Variants in NEDD9 observed in about 807,000 individuals in gnomAD.
NEDD9 encodes the protein neural precursor cell expressed, developmentally down-regulated 9.
Under a neutral mutation model 76.6 loss-of-function variants are expected in NEDD9, and 26 were observed. The ratio of observed to expected loss-of-function variants is 0.34; its 90% CI spans 0.25 to 0.47. The LOEUF (loss-of-function observed/expected upper bound fraction) is 0.47. Ranked by LOEUF, NEDD9 falls within the 20% of genes least tolerant of loss-of-function variation. The probability of loss-of-function intolerance (pLI) is 1.00; values close to 1 mark genes in which losing one functional copy is unlikely to be tolerated. For missense variants in NEDD9, 937 were observed against 1,058.5 expected (o/e 0.89, Z 1.59); for synonymous variants, 392 against 414.2 (o/e 0.95, Z 0.65).
At chr6:11,295,131 G>A (rs1760861340) in intron 3 of NEDD9, among the ~76,000 whole-genome samples, 1 of 151,862 alleles carries the variant, frequency 6.6e-6, no homozygotes, top group Admixed American at 6.6e-5. Context: ...CCCAGTCTTG[G>A]GTAGGTCTTT....
intron 3 of NEDD9, among the ~76,000 whole-genome samples, chr6:11,280,719 TG>T (rs1760519843): frequency 6.6e-6 from 1 of 152,212 alleles, no homozygotes; most frequent in Non-Finnish European, 1.5e-5. Context: ...TGACTCCTGT[TG>T]GGGGCCCCAC....
At chr6:11,228,252 C>T (rs534500881) in intron 1 of NEDD9, among the ~76,000 whole-genome samples, 5 of 152,006 alleles carry the variant, frequency 3.3e-5, no homozygotes, top group Admixed American at 6.6e-5. Flanking sequence ...GCAAAAAGGC[C>T]GGGTGCGGTG....
At chr6:11,216,880 A>G (rs1758970071) in intron 1 of NEDD9, among the ~76,000 whole-genome samples, 1 of 152,218 alleles carries the variant, frequency 6.6e-6, no homozygotes, top group African/African-American at 2.4e-5. Flanking sequence ...TCAGGATTAC[A>G]TTTCAGAAGA....
Position 11,370,622 on chromosome 6 carries a change from T to A in NEDD9, c.-214+11517A>T, listed in dbSNP as rs1033351913. Among the ~76,000 whole-genome samples the A allele has an allele frequency of 1.3e-5, 2 of 152,196 alleles. No homozygotes were observed. The highest frequency in any genetic ancestry group is 2.9e-5 in the Non-Finnish European group (2 of 68,028). Reference sequence around the variant, plus strand: ...TACCAGCTTCACTTCTGAGCAGGCTTCCCTGCTTACAGAGAGCTTCTTTCC... The same window carrying A: ...TACCAGCTTCACTTCTGAGCAGGCTACCCTGCTTACAGAGAGCTTCTTTCC... On this transcript the variant is annotated intron_variant, in intron 1 of 3. Transcript: ENST00000397378. This position sits in a 1 kb window ranked among gnomAD's most constrained non-coding sequence, Gnocchi z 4.2.
intron 1 of NEDD9, among the ~76,000 whole-genome samples, chr6:11,343,159 G>A (rs1050882569): frequency 9.9e-5 from 15 of 152,112 alleles, no homozygotes; most frequent in Non-Finnish European, 1.8e-4. Flanking sequence ...GCCCAGTGCC[G>A]TGGCTCACGT....
intron 6 of NEDD9, 92 bp downstream of exon 6, chr6:11,188,126 C>A: frequency 2.0e-6 from 2 of 1,023,266 alleles, no homozygotes; most frequent in South Asian, 2.7e-5. Flanking sequence ...CTGGAAGAAT[C>A]AAAATCATAA....
intron 2 of NEDD9, among the ~76,000 whole-genome samples, chr6:11,310,866 T>C (rs1325400594): frequency 6.6e-6 from 1 of 152,142 alleles, no homozygotes; most frequent in Non-Finnish European, 1.5e-5. Flanking sequence ...CTTCCTCAAC[T>C]TCCCTCCTCC....
intron 1 of NEDD9, among the ~76,000 whole-genome samples, chr6:11,380,094 G>A (rs1763035477): frequency 6.6e-6 from 1 of 152,224 alleles, no homozygotes; most frequent in African/African-American, 2.4e-5. Context: ...CAGAAGAGGA[G>A]GAGGAGGATC....
chr6:11,331,072 G>T (rs1291718903), intron 2 of NEDD9, among the ~76,000 whole-genome samples: 1 of 152,160 alleles, frequency 6.6e-6, no homozygotes, highest in Admixed American at 6.5e-5. Context: ...GGAAAAAATA[G>T]CTGAAACAAA....
intron 3 of NEDD9, among the ~76,000 whole-genome samples, chr6:11,268,789 A>G (rs1251954986): frequency 6.6e-6 from 1 of 151,970 alleles, no homozygotes; most frequent in African/African-American, 2.4e-5. Context: ...TTTGGGGAAA[A>G]AGGGCTAAAT....
intron 2 of NEDD9, among the ~76,000 whole-genome samples, chr6:11,319,571 A>G (rs1413786510): frequency 7.8e-6 from 1 of 127,968 alleles, no homozygotes; most frequent in African/African-American, 3.3e-5. Context: ...CACACACACT[A>G]ATATGCACTC....
intron 2 of NEDD9, among the ~76,000 whole-genome samples, chr6:11,322,924 A>G (rs1230920692): frequency 1.6e-4 from 25 of 152,262 alleles, no homozygotes; most frequent in Admixed American, 1.6e-3. Context: ...AAATCCATTT[A>G]CTACCTGGGT....
In NEDD9 at chr6:11,257,022, G is replaced by A. The variant is rs769932717; in HGVS notation, c.13-43295C>T. Reference sequence around the variant, plus strand: ...CCAGAAAACAGGGTAACATTTATAAGGATTGTAGGTCACTTTGGCACTCAG... The same window carrying A: ...CCAGAAAACAGGGTAACATTTATAAAGATTGTAGGTCACTTTGGCACTCAG... On this transcript the variant is annotated intron_variant, in intron 3 of 3. Transcript: ENST00000397378. 2.1e-4 allele frequency among the ~76,000 whole-genome samples: 32 copies of A among 152,172 alleles called. 1 individual carries two copies. The highest frequency in any genetic ancestry group is 2.0e-4 in the Admixed American group (3 of 15,278).
intron 1 of NEDD9, among the ~76,000 whole-genome samples, chr6:11,374,878 A>G (rs146571572): frequency 9.2e-4 from 140 of 152,288 alleles, no homozygotes; most frequent in Middle Eastern, 3.4e-3. Flanking sequence ...CCCAGTCACA[A>G]ATTGTCTGTC....
At chr6:11,255,197 C>T (rs982883412) in intron 3 of NEDD9, among the ~76,000 whole-genome samples, 2 of 152,152 alleles carry the variant, frequency 1.3e-5, no homozygotes, top group African/African-American at 4.8e-5. Flanking sequence ...GGCAGAGATA[C>T]AAATCAACAG....
chr6:11,273,681 T>C (rs766576569), intron 3 of NEDD9, among the ~76,000 whole-genome samples: 9 of 152,198 alleles, frequency 5.9e-5, no homozygotes, highest in Non-Finnish European at 1.2e-4. Context: ...CGAATTACCC[T>C]GGGCATTGTT....
chr6:11,355,938 G>A (rs567658271), intron 1 of NEDD9, among the ~76,000 whole-genome samples: 21 of 152,174 alleles, frequency 1.4e-4, no homozygotes, highest in South Asian at 2.1e-4. Flanking sequence ...AGCCAGGATG[G>A]TCTCGATCTC....
rs540197462 is a variant in NEDD9, at chr6:11,354,826, C to A, written c.-213-20265G>T. ...AGCACAAGTCAGCCCAAACAGAGTT[C>A]ATCCTAGGGACTTTTACAAAAGCTA... On this transcript the variant is annotated intron_variant, in intron 1 of 3. Transcript: ENST00000397378. Among the ~76,000 whole-genome samples the A allele has an allele frequency of 1.4e-4, 22 of 152,256 alleles. No individual in the cohort carries two copies. In the South Asian group the frequency reaches 4.4e-3, roughly 30 times the overall value.
At chr6:11,315,674 G>A (rs886197143) in intron 2 of NEDD9, among the ~76,000 whole-genome samples, 1 of 152,166 alleles carries the variant, frequency 6.6e-6, no homozygotes, top group African/African-American at 2.4e-5. Flanking sequence ...CACTGGAGGG[G>A]ATTGGCTTAT....
Sources: gnomAD v4.1 joint callset for allele counts (sites outside exome capture counted in the v4.1 genomes callset) on GRCh38, gnomAD v4.1.1 for gene constraint, Gnocchi (gnomAD v3.1) non-coding constraint, MANE v1.5 for transcripts, NCBI Gene and HGNC (gene_info 2026-07-23, HGNC 2026-07-21) for gene names.